CFAP47: variants seen among roughly 807,000 people sequenced by gnomAD.
The protein encoded by CFAP47 is cilia- and flagella-associated protein 47.
CFAP47 carries 29 observed loss-of-function variants against 148.1 expected under a neutral mutation model. The observed-to-expected ratio is 0.20, with a 90% CI of 0.15 to 0.27. The LOEUF (loss-of-function observed/expected upper bound fraction) is 0.27, where lower values mean the gene tolerates loss of function less well. Ranked by LOEUF, CFAP47 falls within the 10% of genes least tolerant of loss-of-function variation. CFAP47 has a pLI of 1.00. For synonymous variants in CFAP47, 664 were observed against 577.3 expected (o/e 1.15, Z -2.15); for missense variants, 1,872 against 1,697.5 (o/e 1.10, Z -1.81).
intron 2 of CFAP47, among the ~76,000 whole-genome samples, chrX:35,935,503 T>C (rs1332536221): frequency 9.0e-6 from 1 of 110,901 alleles, no homozygotes; most frequent in Non-Finnish European, 1.9e-5. Context: ...GAATGCCTCT[T>C]TCAGTGATAT....
At chrX:36,139,257 G>T (rs534478818) in intron 35 of CFAP47, among the ~76,000 whole-genome samples, 1 of 111,626 alleles carries the variant, frequency 9.0e-6, no homozygotes, top group South Asian at 3.7e-4. Flanking sequence ...AATTGGATTT[G>T]CATTGGTAGT....
At chrX:36,001,524 T>C in intron 20 of CFAP47, 89 bp from the exon 21 acceptor site, 1 of 274,028 alleles carries the variant, frequency 3.6e-6, no homozygotes, top group East Asian at 5.1e-5. Flanking sequence ...AACAATTCTT[T>C]ACTGAGCATC....
chrX:36,343,194 A>G (rs1556016058), intron 57 of CFAP47, among the ~76,000 whole-genome samples: 1 of 111,856 alleles, frequency 8.9e-6, no homozygotes, highest in Non-Finnish European at 1.9e-5. Context: ...CTATCCAACA[A>G]AGGTCTAATA....
At chrX:36,066,017 A>T (rs2146753940) in intron 27 of CFAP47, among the ~76,000 whole-genome samples, 1 of 112,089 alleles carries the variant, frequency 8.9e-6, no homozygotes, top group African/African-American at 3.2e-5. Flanking sequence ...ACAGGACCAT[A>T]ATGCTATGCC....
intron 29 of CFAP47, among the ~76,000 whole-genome samples, chrX:36,076,892 T>A (rs1487620044): frequency 6.3e-5 from 7 of 111,879 alleles, no homozygotes; most frequent in Admixed American, 9.6e-5. Context: ...AAATCTTTAA[T>A]CCATCCTGAG....
rs749438379 is a variant in CFAP47 at position 35,953,628 on chromosome X, A to C, written c.1083A>C (p.Ser361=). The C allele has an allele frequency of 3.3e-6, 4 of 1,197,380 alleles. No homozygotes were observed. The highest frequency in any genetic ancestry group is 6.0e-5 in the East Asian group (2 of 33,519). ...MAVGKKDIGP[S]YRQDYALFLR... The stretch of plus-strand genomic sequence containing the variant: ...TTGGTAAAAAGGATATTGGACCTTC[A>C]TACAGACAGGACTATGCTCTCTTTT... The change falls in exon 7 of 64, where the codon TCA becomes TCC. Residue 361 remains serine, a synonymous_variant. Transcript: ENST00000378653.
At chrX:36,098,289 A>G (rs1015031098) in intron 30 of CFAP47, among the ~76,000 whole-genome samples, 2 of 110,791 alleles carry the variant, frequency 1.8e-5, no homozygotes, top group Non-Finnish European at 3.8e-5. Flanking sequence ...ATGTATCTCT[A>G]TTTTTCCAGG....
At chrX:36,159,288 T>C (rs766334424) in intron 37 of CFAP47, 138 bp from the exon 38 acceptor site, 1 of 287,306 alleles carries the variant, frequency 3.5e-6, no homozygotes, top group Non-Finnish European at 6.1e-6. Context: ...AACTAGATTG[T>C]AGGCTTCTTG....
chrX:36,275,819 C>A (rs1275169630), intron 49 of CFAP47, among the ~76,000 whole-genome samples: 1 of 110,815 alleles, frequency 9.0e-6, no homozygotes, highest in African/African-American at 3.3e-5. Context: ...GACATCTGGT[C>A]TTGGGCTTTA....
intron 30 of CFAP47, among the ~76,000 whole-genome samples, chrX:36,095,854 A>G (rs1938266916): frequency 9.0e-6 from 1 of 110,933 alleles, no homozygotes; most frequent in South Asian, 3.7e-4. Flanking sequence ...AGTTTCATGT[A>G]TTTCTGCTCT....
At chrX:36,161,478 T>A (rs182536333) in intron 39 of CFAP47, among the ~76,000 whole-genome samples, 63 of 112,017 alleles carry the variant, frequency 5.6e-4, no homozygotes, top group South Asian at 5.5e-3. Context: ...ACAATCAATG[T>A]GCATGTGTTC....
At chrX:36,113,165 T>A (rs2146804964) in intron 33 of CFAP47, among the ~76,000 whole-genome samples, 1 of 112,027 alleles carries the variant, frequency 8.9e-6, no homozygotes, top group Non-Finnish European at 1.9e-5. Context: ...CAGACTTGTT[T>A]GTGTGGTTGC....
chrX:35,971,194 C>T (rs1167489055), intron 11 of CFAP47, among the ~76,000 whole-genome samples: 1 of 111,589 alleles, frequency 9.0e-6, no homozygotes, highest in East Asian at 2.8e-4. Flanking sequence ...TCGGGAGAAA[C>T]CTGTACAGAA....
chrX:36,105,349 T>G (rs1329856921), intron 33 of CFAP47, among the ~76,000 whole-genome samples: 1 of 111,916 alleles, frequency 8.9e-6, no homozygotes, highest in African/African-American at 3.2e-5. Context: ...TTCCTTTAGC[T>G]TCAATTCAAC....
chrX:36,005,057 A>T (rs1484663844), intron 21 of CFAP47, among the ~76,000 whole-genome samples: 1 of 110,270 alleles, frequency 9.1e-6, no homozygotes, highest in African/African-American at 3.3e-5. Flanking sequence ...TCGTTCTTTC[A>T]TTCCAGATTT....
At chrX:36,371,804 A>ATGTATATATGTGTGCATATACACACATG (rs1941958650) in intron 62 of CFAP47, among the ~76,000 whole-genome samples, 1 of 51,123 alleles carries the variant, frequency 2.0e-5, no homozygotes, top group Non-Finnish European at 2.9e-5. Context: ...ATATACACAC[A>ATGTATATATGTGTGCATATACACACATG]TGTATATATG....
chrX:36,217,463 C>T (rs1940170196), intron 45 of CFAP47, among the ~76,000 whole-genome samples: 1 of 111,325 alleles, frequency 9.0e-6, no homozygotes, highest in Non-Finnish European at 1.9e-5. Context: ...ATGCGACTCC[C>T]CTTATTTTAA....
chrX:36,066,160 A>C (rs971817470), intron 27 of CFAP47, among the ~76,000 whole-genome samples: 2 of 111,402 alleles, frequency 1.8e-5, no homozygotes, highest in Admixed American at 9.6e-5. Flanking sequence ...GAATTGCTGC[A>C]GGGGAAATTG....
intron 57 of CFAP47, among the ~76,000 whole-genome samples, chrX:36,344,657 T>G (rs1237951776): frequency 8.9e-6 from 1 of 112,159 alleles, no homozygotes; most frequent in Non-Finnish European, 1.9e-5. Context: ...TCTTGACTTC[T>G]TACACTATCT....
Sources: gnomAD v4.1 joint callset for allele counts (sites outside exome capture counted in the v4.1 genomes callset) on GRCh38, gnomAD v4.1.1 for gene constraint, MANE v1.5 for transcripts, NCBI Gene and HGNC (gene_info 2026-07-23, HGNC 2026-07-21) for gene names.